The following TRAPPC12 variants were observed in gnomAD, a reference collection of about 807,000 sequenced individuals.
TRAPPC12 encodes TPR repeat protein 15.
In TRAPPC12, 61 loss-of-function variants were observed where a neutral mutation model predicts 69.2. The ratio of observed to expected loss-of-function variants is 0.88; its 90% CI spans 0.72 to 1.09. The LOEUF is 1.09. Among genes scored for constraint, TRAPPC12 ranks in the 50% least tolerant of loss-of-function variants. The pLI is 0.00. For synonymous variants in TRAPPC12, 469 were observed against 438.9 expected, an observed-to-expected ratio of 1.07 and a Z score of -0.86; for missense variants, 1,101 against 1,016.4, an observed-to-expected ratio of 1.08 and a Z score of -1.13.
chr2:3,460,169 T>C, intron 7 of TRAPPC12, 94 bp from the exon 8 acceptor site: 1 of 821,490 alleles, frequency 1.2e-6, no homozygotes. Flanking sequence ...AGGGATCTTT[T>C]AAAGTTAAAT....
intron 5 of TRAPPC12, among the ~76,000 whole-genome samples, chr2:3,425,049 C>T (rs1365108371): frequency 3.3e-5 from 5 of 152,228 alleles, no homozygotes; most frequent in East Asian, 3.9e-4. Flanking sequence ...ATATGGCACA[C>T]GCCGTGACAT....
chr2:3,386,670 T>C (rs986445072), intron 1 of TRAPPC12, among the ~76,000 whole-genome samples: 14 of 152,186 alleles, frequency 9.2e-5, no homozygotes, highest in African/African-American at 3.4e-4. Context: ...CTGTATCAGA[T>C]TTCCAGAGTC....
rs536205020 is a variant in TRAPPC12 at position 3,395,919 on chromosome 2, G to A, written c.1048-5858G>A. Among the ~76,000 whole-genome samples, 39 of 152,096 alleles carry A rather than the reference G, an allele frequency of 2.6e-4. 1 individual carries two copies. The highest frequency in any genetic ancestry group is 6.5e-5 in the Admixed American group (1 of 15,272). On this transcript the variant is annotated intron_variant, in intron 2 of 11. Transcript: ENST00000324266. Reference sequence around the variant, plus strand: ...TAATTTTTGTAATTTTAGTAGACACGTGGTTTTGCCATGTTGGTCAGGCTG... The same window carrying A: ...TAATTTTTGTAATTTTAGTAGACACATGGTTTTGCCATGTTGGTCAGGCTG...
intron 5 of TRAPPC12, among the ~76,000 whole-genome samples, chr2:3,425,270 T>G (rs1010502574): frequency 6.6e-5 from 10 of 152,188 alleles, no homozygotes; most frequent in Non-Finnish European, 1.3e-4. Context: ...AGTGTGCGTC[T>G]CTTGGTGGAG....
At chr2:3,474,146 C>A (rs1210030599) in intron 9 of TRAPPC12, among the ~76,000 whole-genome samples, 2 of 152,226 alleles carry the variant, frequency 1.3e-5, no homozygotes, top group Admixed American at 6.5e-5. Flanking sequence ...AGCTCTCCCC[C>A]ACCCCTCAGT....
chr2:3,426,877 T>G (rs1422208277), intron 5 of TRAPPC12, among the ~76,000 whole-genome samples: 1 of 152,248 alleles, frequency 6.6e-6, no homozygotes. Flanking sequence ...CATGGCTGGT[T>G]GTTCAAGGGC....
intron 5 of TRAPPC12, among the ~76,000 whole-genome samples, chr2:3,428,697 C>A (rs1027989385): frequency 3.9e-5 from 6 of 152,188 alleles, no homozygotes; most frequent in African/African-American, 1.2e-4. Context: ...AGCCCAGCCC[C>A]GTTTCTGACC....
In TRAPPC12 at chr2:3,427,395, A is replaced by T. The variant is rs144391154; in HGVS notation, c.1417+2732A>T. Among the ~76,000 whole-genome samples, 249 of 152,316 alleles carry T rather than the reference A, an allele frequency of 1.6e-3. 6 individuals carry two copies. The East Asian group carries it at 0.037, about 22-fold the overall frequency. Reference sequence around the variant, plus strand: ...TAACAGAAAACTCAGGTCATTGAGCACCCAGGCCTTAATCGAAACCACCAG... The same window carrying T: ...TAACAGAAAACTCAGGTCATTGAGCTCCCAGGCCTTAATCGAAACCACCAG... On this transcript the variant is annotated intron_variant, in intron 5 of 11. Coordinates refer to ENST00000324266, the MANE Select transcript of TRAPPC12 (RefSeq NM_016030.6).
At position 3,388,462 on chromosome 2, in the gene TRAPPC12, T is replaced by G; in HGVS notation, c.839T>G (p.Phe280Cys). The change falls in exon 2 of 12, where the codon TTC (phenylalanine) becomes TGC (cysteine). Residue 280 changes from phenylalanine to cysteine, a missense_variant. Coordinates refer to ENST00000324266, the MANE Select transcript of TRAPPC12 (RefSeq NM_016030.6). ...GCGCCCCCGGCGTCGCCAGAGCCTT[T>G]CGCGCACATCCAGGCAGTGTTTGCA... is the stretch of plus-strand genomic sequence containing the variant. ...AAAPPASPEPFAHIQAVFAGS... is the reference protein window; with the variant it reads ...AAAPPASPEPCAHIQAVFAGS... The G allele has an allele frequency of 6.2e-7, 1 of 1,611,954 alleles. No individual in the cohort carries two copies. Among genetic ancestry groups the G allele is most frequent in the Non-Finnish European group, 8.5e-7 (1 of 1,179,406 alleles).
intron 1 of TRAPPC12, among the ~76,000 whole-genome samples, chr2:3,385,905 C>T (rs1295985604): frequency 6.6e-6 from 1 of 152,256 alleles, no homozygotes; most frequent in Non-Finnish European, 1.5e-5. Context: ...TTACCATGCA[C>T]AGGGGGCTCC....
rs575980959 is a variant in TRAPPC12 at position 3,462,186 on chromosome 2, C to T, written c.1677+1850C>T. On this transcript the variant is annotated intron_variant, in intron 8 of 11. Coordinates refer to ENST00000324266, the MANE Select transcript of TRAPPC12 (RefSeq NM_016030.6). ...CATTTTAAGACACATTAATAGAAAA[C>T]GACGGAATGGGCTTTTCTTTGTGGC... is the stretch of plus-strand genomic sequence containing the variant. Among the ~76,000 whole-genome samples the T allele has an allele frequency of 2.6e-5, 4 of 152,308 alleles. No individual in the cohort carries two copies. In the South Asian group the frequency reaches 8.3e-4, roughly 32 times the overall value.
chr2:3,395,810 A>G (rs1019850102), intron 2 of TRAPPC12, among the ~76,000 whole-genome samples: 3 of 151,532 alleles, frequency 2.0e-5, no homozygotes, highest in South Asian at 2.1e-4. Flanking sequence ...GCTCACTCCA[A>G]CCTCCACCTC....
rs199724929 is a variant in TRAPPC12 at position 3,457,618 on chromosome 2, C to T, written c.1531-3C>T. ...TTGTCCTTCTCATTTGGAATGATTG[C>T]AGATCCTGGCCAATTTGGAGCAAGG... On this transcript the variant is annotated splice_region_variant and splice_polypyrimidine_tract_variant and intron_variant, in intron 6 of 11. Coordinates refer to ENST00000324266, the MANE Select transcript of TRAPPC12 (RefSeq NM_016030.6). The T allele has an allele frequency of 5.6e-5, 90 of 1,612,626 alleles. No individual in the cohort carries two copies. The Middle Eastern group carries it at 1.3e-3, about 24-fold the overall frequency.
intron 5 of TRAPPC12, among the ~76,000 whole-genome samples, chr2:3,429,093 C>T (rs1447678445): frequency 2.6e-5 from 4 of 152,186 alleles, no homozygotes; most frequent in Non-Finnish European, 5.9e-5. Flanking sequence ...GAGTTCCTTT[C>T]GTGGGTTGTG....
Position 3,424,595 on chromosome 2 carries a change from C to A in TRAPPC12, c.1349C>A (p.Pro450His). 1 of 1,614,028 alleles carries A rather than the reference C, an allele frequency of 6.2e-7. No individual in the cohort carries two copies. The highest frequency in any genetic ancestry group is 8.5e-7 in the Non-Finnish European group (1 of 1,179,994). Residue 450 changes from proline to histidine, a missense_variant, in exon 5 of 12, where the codon CCC becomes CAC. By Grantham distance (77) the Pro-to-His change is moderately conservative. Coordinates refer to ENST00000324266, the MANE Select transcript of TRAPPC12 (RefSeq NM_016030.6). ...LFQNAEMEFE[P>H]FGNLDQPDLY... is the part of the protein sequence containing the mutation. ...CAGAATGCTGAGATGGAATTTGAAC[C>A]CTTCGGAAATCTTGATCAGCCAGAT...
chr2:3,417,418 G>A (rs1169118221), intron 3 of TRAPPC12, among the ~76,000 whole-genome samples: 6 of 151,502 alleles, frequency 4.0e-5, no homozygotes, highest in African/African-American at 1.2e-4. Flanking sequence ...TGCCCTAGTC[G>A]GTCTGTACGC....
chr2:3,452,813 G>A (rs1664923138), intron 6 of TRAPPC12, among the ~76,000 whole-genome samples: 1 of 152,234 alleles, frequency 6.6e-6, no homozygotes, highest in African/African-American at 2.4e-5. Flanking sequence ...TGGTGAAAGA[G>A]AAACCACAGG....
At position 3,477,759 on chromosome 2, in the gene TRAPPC12, A is replaced by G. The variant is rs757367162; in HGVS notation, c.1841A>G (p.Asp614Gly). ...GTTGAGAAAGTAACACAGAAATTAGATGGACTACAGGGTAAAATCATGGTT... is the reference window on the plus strand; with the variant it reads ...GTTGAGAAAGTAACACAGAAATTAGGTGGACTACAGGGTAAAATCATGGTT... ...QDVEKVTQKL[D>G]GLQGKIMVLM... Residue 614 changes from aspartate (D) to glycine (G), a missense_variant, in exon 10 of 12, where the codon GAT (aspartate) becomes GGT (glycine). Transcript: ENST00000324266. The G allele has an allele frequency of 6.2e-7, 1 of 1,607,774 alleles. No homozygotes were observed. The highest frequency in any genetic ancestry group is 1.1e-5 in the South Asian group (1 of 89,796).
chr2:3,457,517 G>A (rs1032956972), intron 6 of TRAPPC12, 104 bp from the exon 7 acceptor site: 35 of 833,440 alleles, frequency 4.2e-5, no homozygotes, highest in Non-Finnish European at 6.2e-5. Context: ...TTGACAAATT[G>A]TTTTCATCCA....
Sources: allele counts gnomAD v4.1 joint callset (sites outside exome capture counted in the v4.1 genomes callset), GRCh38; gene constraint gnomAD v4.1.1; transcripts MANE v1.5; gene names NCBI Gene and HGNC (gene_info 2026-07-23, HGNC 2026-07-21).